PTGFR: variants seen among roughly 807,000 people sequenced by gnomAD.
PTGFR encodes the protein prostaglandin F receptor.
In PTGFR, 15 loss-of-function variants were observed where a neutral mutation model predicts 26.2. The ratio of observed to expected loss-of-function variants is 0.57; its 90% CI spans 0.38 to 0.88. PTGFR has a LOEUF of 0.88. Ranked by LOEUF, PTGFR falls within the 40% of genes least tolerant of loss-of-function variation. The probability of loss-of-function intolerance (pLI) is 0.00; values close to 1 mark genes in which losing one functional copy is unlikely to be tolerated. For missense variants in PTGFR, 369 were observed against 427.2 expected, an observed-to-expected ratio of 0.86 and a Z score of 1.20; for synonymous variants, 165 against 151.1, an observed-to-expected ratio of 1.09 and a Z score of -0.68.
intron 2 of PTGFR, among the ~76,000 whole-genome samples, chr1:78,520,330 T>C (rs1232345803): frequency 6.6e-6 from 1 of 152,146 alleles, no homozygotes; most frequent in Non-Finnish European, 1.5e-5. Context: ...TGAGGCCATT[T>C]TTGTGGTTTT....
chr1:78,524,618 A>G (rs1194724177), intron 2 of PTGFR, among the ~76,000 whole-genome samples: 1 of 152,048 alleles, frequency 6.6e-6, no homozygotes, highest in African/African-American at 2.4e-5. Flanking sequence ...GCTAGTGAAC[A>G]ATGTCCTAAC....
chr1:78,502,130 T>C (rs1649720924), intron 2 of PTGFR, among the ~76,000 whole-genome samples: 2 of 152,236 alleles, frequency 1.3e-5, no homozygotes, highest in Non-Finnish European at 2.9e-5. Flanking sequence ...CTTACTTCAC[T>C]ATCTCATCAG....
chr1:78,527,458 T>C (rs1650399767), intron 2 of PTGFR, among the ~76,000 whole-genome samples: 1 of 152,034 alleles, frequency 6.6e-6, no homozygotes, highest in African/African-American at 2.4e-5. Flanking sequence ...CTTAGGGAAG[T>C]AATGATTAAT....
At chr1:78,501,390 T>G (rs1195866339) in intron 2 of PTGFR, among the ~76,000 whole-genome samples, 1 of 152,246 alleles carries the variant, frequency 6.6e-6, no homozygotes, top group Non-Finnish European at 1.5e-5. Flanking sequence ...AGAGAGGACT[T>G]CATCCAACAG....
At chr1:78,535,455 A>G (rs886658858) in intron 2 of PTGFR, among the ~76,000 whole-genome samples, 1 of 152,130 alleles carries the variant, frequency 6.6e-6, no homozygotes, top group Non-Finnish European at 1.5e-5. Flanking sequence ...CTTTCTAGTA[A>G]TGGGTCTTGA....
At chr1:78,508,608 A>C (rs561091230) in intron 2 of PTGFR, among the ~76,000 whole-genome samples, 2 of 152,140 alleles carry the variant, frequency 1.3e-5, no homozygotes, top group Non-Finnish European at 2.9e-5. Context: ...CCTGACTTCT[A>C]TCTCTGATCC....
chr1:78,516,796 G>C (rs2100379345), intron 2 of PTGFR, among the ~76,000 whole-genome samples: 1 of 151,524 alleles, frequency 6.6e-6, no homozygotes, highest in Non-Finnish European at 1.5e-5. Flanking sequence ...TTCTGTCATT[G>C]AAAGGTTAAA....
At chr1:78,523,791 T>C (rs141068128) in intron 2 of PTGFR, among the ~76,000 whole-genome samples, 1 of 152,144 alleles carries the variant, frequency 6.6e-6, no homozygotes. Flanking sequence ...ATATTTTAAA[T>C]GTTTGTTAGT....
At chr1:78,518,457 A>G (rs35027236) in intron 2 of PTGFR, among the ~76,000 whole-genome samples, 4,602 of 151,956 alleles carry the variant, frequency 0.03, 110 homozygotes, top group Non-Finnish European at 0.052. Flanking sequence ...TTAGTTACCA[A>G]TTGTTCTATT....
intron 2 of PTGFR, chr1:78,497,844 G>T (rs2100352175): frequency 7.0e-7 from 1 of 1,427,728 alleles, no homozygotes; most frequent in Non-Finnish European, 9.9e-7. Flanking sequence ...TTTACTGGAA[G>T]GCCATATGTT....
At chr1:78,492,008 T>C (rs1203963853) in intron 1 of PTGFR, among the ~76,000 whole-genome samples, 3 of 152,164 alleles carry the variant, frequency 2.0e-5, no homozygotes, top group African/African-American at 7.2e-5. Flanking sequence ...GCCCCCTTCC[T>C]CATCGCGAAT....
chr1:78,503,483 T>C (rs566362330), intron 2 of PTGFR, among the ~76,000 whole-genome samples: 1 of 152,322 alleles, frequency 6.6e-6, no homozygotes, highest in African/African-American at 2.4e-5. Flanking sequence ...TACTCATGAA[T>C]AATTTATTCA....
chr1:78,526,198 A>G (rs1650369753), intron 2 of PTGFR, among the ~76,000 whole-genome samples: 1 of 152,092 alleles, frequency 6.6e-6, no homozygotes, highest in African/African-American at 2.4e-5. Context: ...TTTATTTTAA[A>G]GTGGTCTCCT....
intron 2 of PTGFR, among the ~76,000 whole-genome samples, chr1:78,501,015 A>G (rs889008316): frequency 6.6e-6 from 1 of 151,848 alleles, no homozygotes; most frequent in African/African-American, 2.4e-5. Flanking sequence ...TTTTTTTTTA[A>G]GAAGAAAGAC....
At chr1:78,503,143 C>T (rs1649750310) in intron 2 of PTGFR, among the ~76,000 whole-genome samples, 2 of 151,862 alleles carry the variant, frequency 1.3e-5, no homozygotes, top group Admixed American at 1.3e-4. Flanking sequence ...AGTATTTGGG[C>T]CAGGCTTTAA....
chr1:78,526,851 A>G (rs906435055), intron 2 of PTGFR, among the ~76,000 whole-genome samples: 12 of 152,090 alleles, frequency 7.9e-5, no homozygotes, highest in African/African-American at 2.4e-4. Context: ...GATAGAACAC[A>G]ACTGTGCTGA....
intron 2 of PTGFR, among the ~76,000 whole-genome samples, chr1:78,523,896 T>C (rs898033168): frequency 7.9e-5 from 12 of 152,050 alleles, no homozygotes; most frequent in African/African-American, 2.9e-4. Context: ...AATGATACAC[T>C]CCTAACTCTT....
chr1:78,523,462 C>T (rs777580000), intron 2 of PTGFR, among the ~76,000 whole-genome samples: 9 of 151,862 alleles, frequency 5.9e-5, no homozygotes, highest in African/African-American at 1.7e-4. Flanking sequence ...TAATTCAGGT[C>T]GAAACTCATG....
intron 2 of PTGFR, among the ~76,000 whole-genome samples, chr1:78,527,195 G>T (rs868196283): frequency 5.3e-5 from 8 of 152,022 alleles, no homozygotes; most frequent in African/African-American, 1.7e-4. Flanking sequence ...CAACCTAATG[G>T]CTGTATACTG....
Sources: gnomAD v4.1 joint callset for allele counts (sites outside exome capture counted in the v4.1 genomes callset) on GRCh38, gnomAD v4.1.1 for gene constraint, MANE v1.5 for transcripts, NCBI Gene and HGNC (gene_info 2026-07-23, HGNC 2026-07-21) for gene names.